Variants in CYP2C18 observed in about 807,000 individuals in gnomAD.
CYP2C18 encodes the protein cytochrome P450 family 2 subfamily C member 18, also known as cytochrome P450 2C18.
In CYP2C18, 38 loss-of-function variants were observed where a neutral mutation model predicts 41.3. That is an observed-to-expected ratio of 0.92 (90% confidence interval 0.71 to 1.21). The LOEUF (loss-of-function observed/expected upper bound fraction) is 1.21, where lower values mean the gene tolerates loss of function less well. CYP2C18 is among the 50% of genes most tolerant of loss of function. The pLI, the probability that CYP2C18 is intolerant of heterozygous loss-of-function variation, is 0.00. For synonymous variants in CYP2C18, 236 were observed against 210.0 expected (o/e 1.12, Z -1.07); for missense variants, 635 against 591.4 (o/e 1.07, Z -0.77).
chr10:94,695,104 G>A (rs1055609089), intron 4 of CYP2C18, 27 bp downstream of exon 4: 44 of 1,567,318 alleles, frequency 2.8e-5, no homozygotes, highest in Non-Finnish European at 3.8e-5. Flanking sequence ...CTCTTCCTGA[G>A]ATATTATTTT....
intron 1 of CYP2C18, among the ~76,000 whole-genome samples, chr10:94,685,538 T>G (rs182855916): frequency 6.1e-4 from 93 of 152,298 alleles, no homozygotes; most frequent in Non-Finnish European, 1.0e-3. Flanking sequence ...TCAGGTCTTA[T>G]GCTTAAGGCT....
chr10:94,683,912 T>C lies in CYP2C18; in HGVS notation c.93T>C (p.Ser31=). Reference sequence around the variant, plus strand: ...GCTCTGGAAGAGGGAGGCTCCCGTCTGGCCCCACTCCTCTCCCGATTATTG... The same window carrying C: ...GCTCTGGAAGAGGGAGGCTCCCGTCCGGCCCCACTCCTCTCCCGATTATTG... ...RQSSGRGRLP[S]GPTPLPIIGN... The change falls in exon 1 of 9, where the codon TCT becomes TCC. Residue 31 remains serine (S), a synonymous_variant. Transcript: ENST00000285979. 2.5e-6 allele frequency: 4 copies of C among 1,611,434 alleles called. No homozygotes were observed. The highest frequency in any genetic ancestry group is 3.4e-6 in the Non-Finnish European group (4 of 1,178,810).
chr10:94,684,312 G>A lies in CYP2C18; in HGVS notation c.168+325G>A, dbSNP rs574327482. ...CCGAGCTTATTCCTCCTATCTAAGTGTAACTCTGTACCTGTTGACCAACGT... is the reference window on the plus strand; with the variant it reads ...CCGAGCTTATTCCTCCTATCTAAGTATAACTCTGTACCTGTTGACCAACGT... On this transcript the variant is annotated intron_variant, in intron 1 of 8. Coordinates refer to ENST00000285979, the MANE Select transcript of CYP2C18 (RefSeq NM_000772.3). Among the ~76,000 whole-genome samples, 4 of 152,194 alleles carry A rather than the reference G, an allele frequency of 2.6e-5. No individual in the cohort carries two copies. In the South Asian group the frequency reaches 8.3e-4, roughly 32 times the overall value.
chr10:94,719,661 G>T (rs935616713), intron 5 of CYP2C18, among the ~76,000 whole-genome samples: 1 of 147,774 alleles, frequency 6.8e-6, no homozygotes, highest in African/African-American at 2.5e-5. Context: ...TGCAACCTCC[G>T]TCTCCTGGGT....
intron 5 of CYP2C18, among the ~76,000 whole-genome samples, chr10:94,709,832 A>C (rs1847405357): frequency 6.6e-6 from 1 of 152,204 alleles, no homozygotes; most frequent in Non-Finnish European, 1.5e-5. Flanking sequence ...CAGTTGTCCT[A>C]GTACCATTTG....
chr10:94,719,148 GA>G (rs1847605334), intron 5 of CYP2C18, among the ~76,000 whole-genome samples: 1 of 152,084 alleles, frequency 6.6e-6, no homozygotes, highest in Admixed American at 6.6e-5. Context: ...TTGTGACACT[GA>G]GAATTGCAAA....
chr10:94,693,761 A>G (rs1847059763), intron 3 of CYP2C18, among the ~76,000 whole-genome samples: 1 of 152,146 alleles, frequency 6.6e-6, no homozygotes, highest in Admixed American at 6.6e-5. Context: ...ATTCCCCATC[A>G]TTACCGCACA....
intron 5 of CYP2C18, among the ~76,000 whole-genome samples, chr10:94,715,844 A>T (rs1191543530): frequency 6.6e-6 from 1 of 151,926 alleles, no homozygotes; most frequent in East Asian, 1.9e-4. Context: ...GCTCTTAATT[A>T]TTGCCTGAAT....
chr10:94,707,001 A>C (rs1438275534), intron 5 of CYP2C18, 41 bp downstream of exon 5: 5 of 1,559,988 alleles, frequency 3.2e-6, no homozygotes. Context: ...TGGTTCATTG[A>C]TTAGTTCTAT....
intron 7 of CYP2C18, among the ~76,000 whole-genome samples, chr10:94,727,522 G>A (rs1847761875): frequency 6.6e-6 from 1 of 151,960 alleles, no homozygotes; most frequent in South Asian, 2.1e-4. Context: ...GGCTGAAGTG[G>A]GAGGATTGCT....
chr10:94,712,008 A>ATGTTTTTTTT (rs1847444094), intron 5 of CYP2C18, among the ~76,000 whole-genome samples: 1 of 97,874 alleles, frequency 1.0e-5, no homozygotes, highest in Admixed American at 1.1e-4. Flanking sequence ...TGCCCAACTA[A>ATGTTTTTTTT]TTTTTTTTTT....
chr10:94,730,085 A>C (rs558171651), intron 7 of CYP2C18, among the ~76,000 whole-genome samples: 1 of 152,142 alleles, frequency 6.6e-6, no homozygotes, highest in Non-Finnish European at 1.5e-5. Context: ...CATTTTTAAT[A>C]TAAAGAGTTG....
chr10:94,733,103 A>T (rs1361950870), intron 7 of CYP2C18, among the ~76,000 whole-genome samples, 194 bp from the exon 8 acceptor site: 1 of 152,014 alleles, frequency 6.6e-6, no homozygotes, highest in Non-Finnish European at 1.5e-5. Flanking sequence ...ATTGGAGGGG[A>T]CTTCAGCAAA....
intron 5 of CYP2C18, among the ~76,000 whole-genome samples, chr10:94,710,735 T>C (rs1425204243): frequency 6.6e-6 from 1 of 152,190 alleles, no homozygotes; most frequent in South Asian, 2.1e-4. Context: ...AAGTTGATGT[T>C]ACCAATGGGC....
chr10:94,692,070 C>G (rs577995854), intron 3 of CYP2C18, among the ~76,000 whole-genome samples: 1 of 152,098 alleles, frequency 6.6e-6, no homozygotes, highest in African/African-American at 2.4e-5. Flanking sequence ...CCATAAAAAT[C>G]CTAGAAGAAA....
intron 4 of CYP2C18, among the ~76,000 whole-genome samples, chr10:94,698,891 A>C (rs1847175333): frequency 6.6e-6 from 1 of 152,216 alleles, no homozygotes; most frequent in Admixed American, 6.5e-5. Context: ...GAAAAGAATA[A>C]ATTCCTCGAC....
intron 6 of CYP2C18, among the ~76,000 whole-genome samples, chr10:94,721,767 A>G (rs1272331528): frequency 6.6e-6 from 1 of 152,072 alleles, no homozygotes; most frequent in East Asian, 1.9e-4. Flanking sequence ...AGTTCCATCC[A>G]TGTTGCCACA....
At position 94,705,731 on chromosome 10, in the gene CYP2C18, G is replaced by A. The variant is rs566852783; in HGVS notation, c.643-1053G>A. ...TTTTGCGGGCATTATTCTGTGAAGT[G>A]AGTGGTTGAACACTACAGCTTGCCC... is the stretch of plus-strand genomic sequence containing the variant. On this transcript the variant is annotated intron_variant, in intron 4 of 8. Transcript: ENST00000285979. 1.8e-3 allele frequency among the ~76,000 whole-genome samples: 277 copies of A among 152,280 alleles called. 1 individual carries two copies. Among genetic ancestry groups the A allele is most frequent in the African/African-American group, 6.0e-3 (248 of 41,560 alleles).
At position 94,698,083 on chromosome 10, in the gene CYP2C18, G is replaced by A. The variant is rs2134183340; in HGVS notation, c.642+3006G>A. ...ATTAGACAGATCAAGGAGACAGAAG[G>A]TTAACAAGGATATCCAGGAACTGAA... On this transcript the variant is annotated intron_variant, in intron 4 of 8. Coordinates refer to ENST00000285979, the MANE Select transcript of CYP2C18 (RefSeq NM_000772.3). Among the ~76,000 whole-genome samples the A allele has an allele frequency of 2.0e-5, 3 of 152,230 alleles. No homozygotes were observed. In the South Asian group the frequency reaches 6.2e-4, roughly 32 times the overall value.
Sources: allele counts gnomAD v4.1 joint callset (sites outside exome capture counted in the v4.1 genomes callset), GRCh38; gene constraint gnomAD v4.1.1; transcripts MANE v1.5; gene names NCBI Gene and HGNC (gene_info 2026-07-23, HGNC 2026-07-21).